Variants in LIX1 observed in about 807,000 individuals in gnomAD.
LIX1 encodes the protein protein limb expression 1 homolog.
In LIX1, 24 loss-of-function variants were observed where a neutral mutation model predicts 33.4. The observed-to-expected ratio is 0.72, with a 90% CI of 0.52 to 1.01. The LOEUF (loss-of-function observed/expected upper bound fraction) is 1.01. LIX1 is among the 50% of genes least tolerant of loss of function. The probability of loss-of-function intolerance (pLI) is 0.00; values close to 1 mark genes in which losing one functional copy is unlikely to be tolerated. For synonymous variants in LIX1, 124 were observed against 124.0 expected (o/e 1.00, Z 0.00); for missense variants, 311 against 339.2 (o/e 0.92, Z 0.65).
In LIX1 at chr5:97,091,904, C is replaced by T. The variant is rs113472630; in HGVS notation, c.*2844G>A. ...GAGGTACGACTTTATTAAATCTGTACTTTCTGACCCATTTATCCAAGTTTA... is the reference window on the plus strand; with the variant it reads ...GAGGTACGACTTTATTAAATCTGTATTTTCTGACCCATTTATCCAAGTTTA... On this transcript the variant is annotated 3_prime_UTR_variant, in exon 6 of 6. Transcript: ENST00000274382. 2 of 152,460 alleles carry T rather than the reference C, an allele frequency of 1.3e-5. No individual in the cohort carries two copies. The highest frequency in any genetic ancestry group is 4.8e-5 in the African/African-American group (2 of 41,564). 9.4% of individuals were successfully genotyped at this position (152,460 alleles called of 1,614,324 possible).
At chr5:97,134,025 T>A (rs1284311781) in intron 1 of LIX1, among the ~76,000 whole-genome samples, 2 of 152,228 alleles carry the variant, frequency 1.3e-5, no homozygotes, top group Non-Finnish European at 2.9e-5. Context: ...GAGGAAATAT[T>A]CTAGCTGGGT....
At chr5:97,106,851 A>G (rs1438162865) in intron 3 of LIX1, among the ~76,000 whole-genome samples, 6 of 152,202 alleles carry the variant, frequency 3.9e-5, no homozygotes, top group Non-Finnish European at 7.4e-5. Context: ...AATAGCTAAC[A>G]CATATTGGGC....
intron 2 of LIX1, among the ~76,000 whole-genome samples, chr5:97,119,821 A>C (rs1747734901): frequency 6.6e-6 from 1 of 152,028 alleles, no homozygotes; most frequent in South Asian, 2.1e-4. Context: ...AAAATTTATG[A>C]GATGATAGGA....
chr5:97,107,300 A>G, intron 3 of LIX1, 60 bp downstream of exon 3: 3 of 1,524,014 alleles, frequency 2.0e-6, no homozygotes, highest in Non-Finnish European at 1.8e-6. Context: ...ATCTCTCAAG[A>G]TTCAAATGCT....
intron 1 of LIX1, among the ~76,000 whole-genome samples, chr5:97,135,688 G>A (rs977366126): frequency 6.6e-5 from 10 of 151,978 alleles, no homozygotes; most frequent in African/African-American, 2.4e-4. Context: ...GTGCAGTAGT[G>A]GGCGCCTGTA....
intron 5 of LIX1, 88 bp from the exon 6 acceptor site, chr5:97,095,123 T>C: frequency 8.0e-7 from 1 of 1,249,146 alleles, no homozygotes; most frequent in South Asian, 1.5e-5. Context: ...CCACATCCAT[T>C]AGGGTTTTAT....
At chr5:97,113,328 G>A (rs913069524) in intron 2 of LIX1, among the ~76,000 whole-genome samples, 4 of 152,280 alleles carry the variant, frequency 2.6e-5, no homozygotes, top group South Asian at 2.1e-4. Flanking sequence ...CCTGATCCTC[G>A]GAAACTGTGC....
chr5:97,123,581 A>G (rs1226057745), intron 2 of LIX1, among the ~76,000 whole-genome samples: 1 of 152,234 alleles, frequency 6.6e-6, no homozygotes, highest in East Asian at 1.9e-4. Context: ...GTTTAAATCC[A>G]AAGCATCTTC....
Position 97,099,814 on chromosome 5 carries a change from G to A in LIX1, c.484-2927C>T, listed in dbSNP as rs188650281. 9.3e-3 allele frequency among the ~76,000 whole-genome samples: 1,414 copies of A among 152,236 alleles called. 28 individuals are homozygous for A. Among genetic ancestry groups the A allele is most frequent in the African/African-American group, 0.033 (1,352 of 41,516 alleles). On this transcript the variant is annotated intron_variant, in intron 4 of 5. Coordinates refer to ENST00000274382, the MANE Select transcript of LIX1 (RefSeq NM_153234.5). ...ATCGCGATACCACACTCCAGCCTCG[G>A]CAAGTGAGTGAGACTCCATCACAAA...
In LIX1 at chr5:97,111,962, C is replaced by A. The variant is rs537048743; in HGVS notation, c.247-4462G>T. Among the ~76,000 whole-genome samples, 5 of 152,322 alleles carry A rather than the reference C, an allele frequency of 3.3e-5. No individual in the cohort carries two copies. In the East Asian group the frequency reaches 9.6e-4, roughly 29 times the overall value. On this transcript the variant is annotated intron_variant, in intron 2 of 5. Coordinates refer to ENST00000274382, the MANE Select transcript of LIX1 (RefSeq NM_153234.5). ...ATTTTATTATTTCAATGTACAGAAT[C>A]TTTGCTTAAAACGGGGGAGAAAGTG...
intron 2 of LIX1, among the ~76,000 whole-genome samples, chr5:97,120,331 T>G (rs1035847775): frequency 2.0e-5 from 3 of 152,228 alleles, no homozygotes; most frequent in Non-Finnish European, 4.4e-5. Flanking sequence ...TATTAGGCAC[T>G]TTATGCACTG....
At chr5:97,130,232 C>G (rs181920391) in intron 1 of LIX1, among the ~76,000 whole-genome samples, 1 of 152,196 alleles carries the variant, frequency 6.6e-6, no homozygotes, top group Admixed American at 6.5e-5. Flanking sequence ...TGGTTTCCCC[C>G]GTAGAGAGAA....
intron 1 of LIX1, among the ~76,000 whole-genome samples, chr5:97,131,143 A>T (rs538107140): frequency 8.5e-5 from 13 of 152,330 alleles, no homozygotes; most frequent in African/African-American, 3.1e-4. Context: ...ATCCAGCAAC[A>T]TGGAACACCT....
intron 4 of LIX1, among the ~76,000 whole-genome samples, chr5:97,103,733 A>G (rs1746845101): frequency 6.6e-6 from 1 of 152,226 alleles, no homozygotes; most frequent in Non-Finnish European, 1.5e-5. Context: ...TGGGAGGCCA[A>G]GGCGGGCAGA....
intron 5 of LIX1, among the ~76,000 whole-genome samples, chr5:97,096,106 C>T (rs1383247676): frequency 6.6e-6 from 1 of 152,152 alleles, no homozygotes; most frequent in Admixed American, 6.5e-5. Flanking sequence ...AGGAAATTCT[C>T]AGAAATAAAC....
intron 1 of LIX1, among the ~76,000 whole-genome samples, chr5:97,141,925 A>AG (rs527779491): frequency 1.3e-5 from 2 of 152,220 alleles, no homozygotes; most frequent in Non-Finnish European, 2.9e-5. Flanking sequence ...TGATGGTGGT[A>AG]GGGGGTCCAC....
At chr5:97,102,408 C>A (rs915058957) in intron 4 of LIX1, among the ~76,000 whole-genome samples, 1 of 152,086 alleles carries the variant, frequency 6.6e-6, no homozygotes, top group Non-Finnish European at 1.5e-5. Context: ...CAGGTCCCAG[C>A]AGGCAAGCTA....
At chr5:97,102,680 AAAG>A (rs1006938601) in intron 4 of LIX1, among the ~76,000 whole-genome samples, 11 of 152,332 alleles carry the variant, frequency 7.2e-5, no homozygotes, top group African/African-American at 2.6e-4. Context: ...ACTATTACTA[AAAG>A]AAGGTTGAGT....
At chr5:97,119,978 T>C (rs1747740023) in intron 2 of LIX1, among the ~76,000 whole-genome samples, 1 of 152,196 alleles carries the variant, frequency 6.6e-6, no homozygotes, top group Non-Finnish European at 1.5e-5. Context: ...ACAAATATAA[T>C]GCATGCCTGG....
Sources: gnomAD v4.1 joint callset for allele counts (sites outside exome capture counted in the v4.1 genomes callset) on GRCh38, gnomAD v4.1.1 for gene constraint, MANE v1.5 for transcripts, NCBI Gene and HGNC (gene_info 2026-07-23, HGNC 2026-07-21) for gene names.